Variants in AK5 observed in about 807,000 individuals in gnomAD.
The protein encoded by AK5 is adenylate kinase 5.
Under a neutral mutation model 69.5 loss-of-function variants are expected in AK5, and 27 were observed. The observed-to-expected ratio is 0.39, with a 90% CI of 0.29 to 0.54. AK5 has a LOEUF of 0.54. AK5 is among the 20% of genes least tolerant of loss of function. The probability of loss-of-function intolerance (pLI) is 0.71; values close to 1 mark genes in which losing one functional copy is unlikely to be tolerated. For missense variants in AK5, 531 were observed against 700.4 expected (o/e 0.76, Z 2.73); for synonymous variants, 260 against 244.4 (o/e 1.06, Z -0.60).
chr1:77,471,096 A>G (rs759335403), intron 8 of AK5, among the ~76,000 whole-genome samples: 11 of 150,938 alleles, frequency 7.3e-5, no homozygotes, highest in African/African-American at 1.2e-4. Flanking sequence ...GTTAGCCAAG[A>G]TGGTATCAAT....
At chr1:77,518,770 G>A in intron 11 of AK5, 43 bp downstream of exon 11, 1 of 1,592,868 alleles carries the variant, frequency 6.3e-7, no homozygotes, top group African/African-American at 1.3e-5. Context: ...TTTCCTGTCT[G>A]GGGAGACCTT....
At chr1:77,357,363 G>A (rs1662589752) in intron 6 of AK5, among the ~76,000 whole-genome samples, 1 of 152,124 alleles carries the variant, frequency 6.6e-6, no homozygotes, top group Non-Finnish European at 1.5e-5. Context: ...TAAGTGACTT[G>A]CAAGATTAAT....
At chr1:77,333,150 A>G (rs760091170) in intron 5 of AK5, among the ~76,000 whole-genome samples, 5 of 152,096 alleles carry the variant, frequency 3.3e-5, no homozygotes, top group Non-Finnish European at 7.4e-5. Flanking sequence ...TCTTCATGGT[A>G]TGTTTTCTCA....
intron 8 of AK5, among the ~76,000 whole-genome samples, chr1:77,458,281 A>G (rs1005058388): frequency 2.0e-5 from 3 of 151,512 alleles, no homozygotes; most frequent in Admixed American, 6.6e-5. Flanking sequence ...TCACTCCTCT[A>G]TTGTCCCCTC....
intron 8 of AK5, among the ~76,000 whole-genome samples, chr1:77,427,685 C>A (rs1486230863): frequency 1.3e-5 from 2 of 152,114 alleles, no homozygotes; most frequent in Non-Finnish European, 2.9e-5. Flanking sequence ...AGACCAGTAT[C>A]TTTATAAGTG....
At position 77,336,085 on chromosome 1, in the gene AK5, C is replaced by CTTT. The variant is rs36053089; in HGVS notation, c.700-4279_700-4277dup. 3.6e-4 allele frequency among the ~76,000 whole-genome samples: 48 copies of CTTT among 135,082 alleles called. 2 individuals are homozygous for CTTT. Among genetic ancestry groups the CTTT allele is most frequent in the South Asian group, 7.0e-4 (3 of 4,314 alleles). 88.6% of individuals were successfully genotyped at this position (135,082 alleles called of 152,430 possible). A position where few individuals can be genotyped will look rare whatever the true frequency, so the allele number is the denominator to read the frequency against. ...GGCTTGCACATACTATCTTATAACCCTTTTTTTTTTTTTTTGAGATGGAGT... is the reference window on the plus strand; with the variant it reads ...GGCTTGCACATACTATCTTATAACCCTTTTTTTTTTTTTTTTTTGAGATGGAGT... On this transcript the variant is annotated intron_variant, in intron 5 of 13. Coordinates refer to ENST00000354567, the MANE Select transcript of AK5 (RefSeq NM_174858.3).
intron 8 of AK5, among the ~76,000 whole-genome samples, chr1:77,458,142 T>G (rs1226787120): frequency 6.6e-6 from 1 of 150,542 alleles, no homozygotes. Flanking sequence ...AAAACAAATG[T>G]CAGGGGTGGT....
At position 77,367,268 on chromosome 1, in the gene AK5, G is replaced by C. The variant is rs1445377764; in HGVS notation, c.891+26700G>C. On this transcript the variant is annotated intron_variant, in intron 6 of 13. Transcript: ENST00000354567. Reference sequence around the variant, plus strand: ...ATTTTGGATAATTTGCATATACATAGTGAGATATCTTGGGCATAGGACCCA... The same window carrying C: ...ATTTTGGATAATTTGCATATACATACTGAGATATCTTGGGCATAGGACCCA... Among the ~76,000 whole-genome samples the C allele has an allele frequency of 4.6e-5, 7 of 151,598 alleles. No homozygotes were observed. The East Asian group carries it at 1.2e-3, about 25-fold the overall frequency.
intron 6 of AK5, among the ~76,000 whole-genome samples, chr1:77,379,473 A>C (rs925578788): frequency 1.9e-4 from 29 of 152,324 alleles, no homozygotes; most frequent in African/African-American, 6.0e-4. Flanking sequence ...GCACAGATTT[A>C]AAGGGCCACT....
chr1:77,307,898 G>T (rs1341891025), intron 5 of AK5, among the ~76,000 whole-genome samples: 1 of 152,144 alleles, frequency 6.6e-6, no homozygotes, highest in Non-Finnish European at 1.5e-5. Context: ...CTGGTTTTCG[G>T]TTTTCATGAA....
rs541169726 is a variant in AK5 at position 77,356,153 on chromosome 1, G to A, written c.891+15585G>A. On this transcript the variant is annotated intron_variant, in intron 6 of 13. Coordinates refer to ENST00000354567, the MANE Select transcript of AK5 (RefSeq NM_174858.3). ...TTTGACATTTTTTGCTTCTACACTC[G>A]CATAAAGTAAATTGAAATTCTTCAA... 7.9e-5 allele frequency among the ~76,000 whole-genome samples: 12 copies of A among 152,076 alleles called. No individual in the cohort carries two copies. The South Asian group carries it at 1.0e-3, about 13-fold the overall frequency.
In AK5 at chr1:77,322,280, T is replaced by A. The variant is rs531639318; in HGVS notation, c.700-18097T>A. On this transcript the variant is annotated intron_variant, in intron 5 of 13. Coordinates refer to ENST00000354567, the MANE Select transcript of AK5 (RefSeq NM_174858.3). Reference sequence around the variant, plus strand: ...TAGTCCTTGGTTCTTTTTTTCTTCTTTTTTTTTCTGTGAGTCATGGCCTAA... The same window carrying A: ...TAGTCCTTGGTTCTTTTTTTCTTCTATTTTTTTCTGTGAGTCATGGCCTAA... Among the ~76,000 whole-genome samples the A allele has an allele frequency of 3.9e-5, 6 of 152,174 alleles. No individual in the cohort carries two copies. The East Asian group carries it at 1.2e-3, about 29-fold the overall frequency.
chr1:77,487,316 G>T lies in AK5; in HGVS notation c.1147+964G>T, dbSNP rs995317425. On this transcript the variant is annotated intron_variant, in intron 10 of 13. Coordinates refer to ENST00000354567, the MANE Select transcript of AK5 (RefSeq NM_174858.3). ...TTATGAAGCTAATGAGTGTGTGAGG[G>T]CCAGATTTCCAGTTTTCCTCATGGA... is the stretch of plus-strand genomic sequence containing the variant. 2.6e-5 allele frequency among the ~76,000 whole-genome samples: 4 copies of T among 152,100 alleles called. No homozygotes were observed. The South Asian group carries it at 8.3e-4, about 31-fold the overall frequency.
At chr1:77,488,713 G>A (rs1271708217) in intron 10 of AK5, among the ~76,000 whole-genome samples, 2 of 152,186 alleles carry the variant, frequency 1.3e-5, no homozygotes, top group African/African-American at 2.4e-5. Context: ...AGGCTGAGAG[G>A]GTAGGCCAGT....
intron 8 of AK5, among the ~76,000 whole-genome samples, chr1:77,467,594 T>G (rs185017338): frequency 1.1e-4 from 16 of 152,226 alleles, no homozygotes; most frequent in Non-Finnish European, 2.1e-4. Flanking sequence ...TATATACTAA[T>G]GTGTCAAATC....
At chr1:77,451,198 C>T (rs1279749582) in intron 8 of AK5, among the ~76,000 whole-genome samples, 1 of 150,522 alleles carries the variant, frequency 6.6e-6, no homozygotes. Flanking sequence ...TACATAAAGA[C>T]ATAAAAGCAA....
chr1:77,502,502 A>G (rs1348428746), intron 10 of AK5, among the ~76,000 whole-genome samples: 1 of 152,246 alleles, frequency 6.6e-6, no homozygotes, highest in Admixed American at 6.5e-5. Flanking sequence ...TGTGCCCACA[A>G]TAAAAATCAT....
At chr1:77,517,918 A>G (rs1657760606) in intron 10 of AK5, among the ~76,000 whole-genome samples, 1 of 152,156 alleles carries the variant, frequency 6.6e-6, no homozygotes, top group African/African-American at 2.4e-5. Context: ...TAGGGGTCCA[A>G]GGATATCATT....
intron 7 of AK5, among the ~76,000 whole-genome samples, chr1:77,411,485 C>T (rs1289918914): frequency 6.6e-6 from 1 of 152,166 alleles, no homozygotes; most frequent in East Asian, 1.9e-4. Context: ...CATCCCAACC[C>T]ACAGCTCCTG....
Sources: allele counts gnomAD v4.1 joint callset (sites outside exome capture counted in the v4.1 genomes callset), GRCh38; gene constraint gnomAD v4.1.1; transcripts MANE v1.5; gene names NCBI Gene and HGNC (gene_info 2026-07-23, HGNC 2026-07-21).